The following MMRN1 variants were observed in gnomAD, a reference collection of about 807,000 sequenced individuals.
The protein encoded by MMRN1 is multimerin-1.
MMRN1 carries 94 observed loss-of-function variants against 100.7 expected under a neutral mutation model. The observed-to-expected ratio is 0.93, with a 90% CI of 0.79 to 1.11. The LOEUF is 1.11. Ranked by LOEUF, MMRN1 falls within the 50% of genes least tolerant of loss-of-function variation. MMRN1 has a pLI of 0.00. For missense variants in MMRN1, 1,606 were observed against 1,439.1 expected (o/e 1.12, Z -1.88); for synonymous variants, 575 against 505.0 (o/e 1.14, Z -1.86).
chr4:89,886,826 C>T (rs1373871883), intron 1 of MMRN1, among the ~76,000 whole-genome samples: 2 of 152,020 alleles, frequency 1.3e-5, no homozygotes, highest in African/African-American at 4.8e-5. Context: ...ATATTGATCA[C>T]CTGAAATGTT....
intron 3 of MMRN1, 48 bp downstream of exon 3, chr4:89,912,098 T>G: frequency 1.5e-6 from 2 of 1,317,976 alleles, no homozygotes; most frequent in Non-Finnish European, 2.1e-6. Context: ...AAGAAACTGA[T>G]TCTATTGAAG....
intron 3 of MMRN1, among the ~76,000 whole-genome samples, chr4:89,915,208 A>G (rs1721873829): frequency 6.6e-6 from 1 of 151,604 alleles, no homozygotes; most frequent in Admixed American, 6.6e-5. Context: ...GTAGTTTTGC[A>G]TATCTAGTTC....
chr4:89,935,248 C>A lies in MMRN1; in HGVS notation c.1568C>A (p.Thr523Asn). The change falls in exon 6 of 8, where the codon ACT becomes AAT. Residue 523 changes from threonine (T) to asparagine (N), a missense_variant. By Grantham distance (65) the Thr-to-Asn change is moderately conservative. Transcript: ENST00000264790. ...LKEVHEQLLSTEQVSDQKNAP... is the reference protein window; with the variant it reads ...LKEVHEQLLSNEQVSDQKNAP... The stretch of plus-strand genomic sequence containing the variant: ...GAAGTACATGAGCAGCTTTTATCAA[C>A]TGAACAGGTATCAGACCAGAAGAAT... 1 of 1,613,748 alleles carries A rather than the reference C, an allele frequency of 6.2e-7. No homozygotes were observed. The highest frequency in any genetic ancestry group is 8.5e-7 in the Non-Finnish European group (1 of 1,179,778).
At chr4:89,943,112 A>T (rs764433247) in intron 6 of MMRN1, among the ~76,000 whole-genome samples, 2 of 152,134 alleles carry the variant, frequency 1.3e-5, no homozygotes, top group African/African-American at 2.4e-5. Context: ...GTCTGGAGAG[A>T]ATATCAAGAA....
At chr4:89,892,991 C>A (rs1450553614), upstream of MMRN1, among the ~76,000 whole-genome samples, 1 of 151,980 alleles carries the variant, frequency 6.6e-6, no homozygotes, top group Admixed American at 6.6e-5. Context: ...TAAATAGGAA[C>A]ATTTTTCCTA....
chr4:89,934,119 T>C (rs965201422), intron 5 of MMRN1, among the ~76,000 whole-genome samples: 1 of 152,096 alleles, frequency 6.6e-6, no homozygotes, highest in African/African-American at 2.4e-5. Context: ...GTTTCATTAC[T>C]TGCAAGTTTT....
intron 6 of MMRN1, among the ~76,000 whole-genome samples, chr4:89,938,797 T>C (rs1722734036): frequency 6.6e-6 from 1 of 152,008 alleles, no homozygotes; most frequent in Admixed American, 6.6e-5. Context: ...TAGAACTTTT[T>C]ATGTTCCTGT....
intron 3 of MMRN1, among the ~76,000 whole-genome samples, chr4:89,912,305 T>C (rs528698636): frequency 6.6e-6 from 1 of 151,374 alleles, no homozygotes; most frequent in African/African-American, 2.4e-5. Context: ...TGAAAGATCT[T>C]ACTTATTCTT....
chr4:89,889,834 C>T (rs949035802), intron 1 of MMRN1, among the ~76,000 whole-genome samples: 1 of 152,040 alleles, frequency 6.6e-6, no homozygotes, highest in Non-Finnish European at 1.5e-5. Context: ...CTTCTACTTG[C>T]AACGAAAAAT....
intron 1 of MMRN1, among the ~76,000 whole-genome samples, chr4:89,905,566 G>A (rs912922084): frequency 6.6e-6 from 1 of 151,482 alleles, no homozygotes; most frequent in African/African-American, 2.4e-5. Context: ...TAGGTGAGGT[G>A]TGAGGGGTTA....
At chr4:89,891,368 A>G (rs537391908), upstream of MMRN1, among the ~76,000 whole-genome samples, 1 of 152,160 alleles carries the variant, frequency 6.6e-6, no homozygotes, top group East Asian at 1.9e-4. Context: ...AGCTTCATCT[A>G]TTCGTTCACT....
chr4:89,918,098 C>A (rs73831856), intron 3 of MMRN1, among the ~76,000 whole-genome samples: 1 of 150,902 alleles, frequency 6.6e-6, no homozygotes, highest in Non-Finnish European at 1.5e-5. Flanking sequence ...CTTTTTCTTA[C>A]ATAATTGGCC....
chr4:89,882,615 G>T (rs963650995), intron 1 of MMRN1, among the ~76,000 whole-genome samples: 1 of 151,018 alleles, frequency 6.6e-6, no homozygotes, highest in African/African-American at 2.5e-5. Flanking sequence ...GTAGATAATC[G>T]CTGCTGTCCA....
chr4:89,882,364 G>T (rs1720839524), intron 1 of MMRN1, among the ~76,000 whole-genome samples: 1 of 151,050 alleles, frequency 6.6e-6, no homozygotes, highest in Non-Finnish European at 1.5e-5. Context: ...AATAAAATTA[G>T]AAAAAATCTT....
Position 89,951,761 on chromosome 4 carries a change from A to T in MMRN1, c.3265+10A>T. 6.2e-7 allele frequency: 1 copy of T among 1,610,282 alleles called. No homozygotes were observed. Among genetic ancestry groups the T allele is most frequent in the Admixed American group, 1.7e-5 (1 of 59,266 alleles). On this transcript the variant is annotated intron_variant, in intron 7 of 7. Transcript: ENST00000264790. Reference sequence around the variant, plus strand: ...AATGCTTTAGCTCCAGGTAAAAAAAAAGTATACGCATCTTTGGATTTGCTC... The same window carrying T: ...AATGCTTTAGCTCCAGGTAAAAAAATAGTATACGCATCTTTGGATTTGCTC...
In MMRN1 at chr4:89,934,902, C is replaced by G. The variant is rs778442968; in HGVS notation, c.1222C>G (p.Gln408Glu). 1 of 1,611,232 alleles carries G rather than the reference C, an allele frequency of 6.2e-7. No individual in the cohort carries two copies. The highest frequency in any genetic ancestry group is 8.5e-7 in the Non-Finnish European group (1 of 1,178,834). The change falls in exon 6 of 8, where the codon CAG becomes GAG. Residue 408 changes from glutamine to glutamate, a missense_variant. Gln to Glu is a conservative substitution (Grantham distance 29). Coordinates refer to ENST00000264790, the MANE Select transcript of MMRN1 (RefSeq NM_007351.3). ...FQNDMQETVA[Q>E]LFKTVSSLSE... is the part of the protein sequence containing the mutation. The stretch of plus-strand genomic sequence containing the variant: ...AAATGACATGCAAGAGACTGTAGCA[C>G]AGCTCTTCAAGACTGTATCAAGTCT...
At chr4:89,951,128 C>T (rs1723157972) in intron 6 of MMRN1, among the ~76,000 whole-genome samples, 1 of 151,918 alleles carries the variant, frequency 6.6e-6, no homozygotes, top group Non-Finnish European at 1.5e-5. Context: ...GAAAGATATT[C>T]TCCTTTTTTG....
chr4:89,907,351 C>G (rs1182982002), intron 1 of MMRN1, among the ~76,000 whole-genome samples: 6 of 151,434 alleles, frequency 4.0e-5, no homozygotes, highest in Non-Finnish European at 7.4e-5. Flanking sequence ...AGCTCAATTT[C>G]TCTGCCTTAG....
intron 5 of MMRN1, among the ~76,000 whole-genome samples, chr4:89,932,049 A>G (rs1722456653): frequency 6.6e-6 from 1 of 152,182 alleles, no homozygotes; most frequent in East Asian, 1.9e-4. Context: ...ATGAACCTGT[A>G]AAATCAAAAG....
Sources: allele counts gnomAD v4.1 joint callset (sites outside exome capture counted in the v4.1 genomes callset), GRCh38; gene constraint gnomAD v4.1.1; transcripts MANE v1.5; gene names NCBI Gene and HGNC (gene_info 2026-07-23, HGNC 2026-07-21).